ASTN1: variants seen among roughly 807,000 people sequenced by gnomAD.
The protein encoded by ASTN1 is astrotactin 1.
A neutral mutation model predicts 140.7 loss-of-function variants in ASTN1; 41 were observed. That is an observed-to-expected ratio of 0.29 (90% CI 0.23 to 0.38). The LOEUF (loss-of-function observed/expected upper bound fraction) is 0.38, where lower values mean the gene tolerates loss of function less well. Ranked by LOEUF, ASTN1 falls within the 10% of genes least tolerant of loss-of-function variation. ASTN1 has a pLI of 1.00. For missense variants in ASTN1, 1,479 were observed against 1,678.8 expected, an observed-to-expected ratio of 0.88 and a Z score of 2.08; for synonymous variants, 640 against 652.2, an observed-to-expected ratio of 0.98 and a Z score of 0.29.
At position 176,998,016 on chromosome 1, in the gene ASTN1, G is replaced by C. The variant is rs767245074; in HGVS notation, c.1523+16775C>G. Among the ~76,000 whole-genome samples, 29 of 152,162 alleles carry C rather than the reference G, an allele frequency of 1.9e-4. 1 individual carries two copies. The highest frequency in any genetic ancestry group is 7.3e-5 in the Non-Finnish European group (5 of 68,036). ...AGTTCAATCGGGCTTTGAAACAAAT[G>C]CTGGGTCTGTCTTGCTAGGAGTCTT... On this transcript the variant is annotated intron_variant, in intron 8 of 22. Transcript: ENST00000361833.
At chr1:177,091,507 T>G (rs1679749764) in intron 1 of ASTN1, among the ~76,000 whole-genome samples, 1 of 152,174 alleles carries the variant, frequency 6.6e-6, no homozygotes, top group East Asian at 1.9e-4. Flanking sequence ...CTTTGCTAGC[T>G]TCACGTAACT....
intron 17 of ASTN1, among the ~76,000 whole-genome samples, chr1:176,891,873 TAC>T (rs1669283838): frequency 6.6e-6 from 1 of 152,090 alleles, no homozygotes; most frequent in Non-Finnish European, 1.5e-5. Flanking sequence ...AAGATGTAGA[TAC>T]ACACACAATG....
chr1:176,944,166 C>T lies in ASTN1; in HGVS notation c.2250-148G>A, dbSNP rs899420913. ...GATCTCAGCTCACCGCAACCTCTGC[C>T]TCCAGGGTTCAAGCAATTCTCCTGC... On this transcript the variant is annotated intron_variant, in intron 13 of 22. Coordinates refer to ENST00000361833, the MANE Select transcript of ASTN1 (RefSeq NM_004319.3). 3.8e-5 allele frequency: 41 copies of T among 1,074,036 alleles called. No homozygotes were observed. In the African/African-American group the frequency reaches 6.3e-4, roughly 16 times the overall value. 66.5% of individuals were successfully genotyped at this position (1,074,036 alleles called of 1,614,324 possible). A position where few individuals can be genotyped will look rare whatever the true frequency, so the allele number is the denominator to read the frequency against.
At chr1:176,886,564 T>A (rs1669039415) in intron 18 of ASTN1, among the ~76,000 whole-genome samples, 1 of 152,202 alleles carries the variant, frequency 6.6e-6, no homozygotes, top group Non-Finnish European at 1.5e-5. Flanking sequence ...GGCTAGTGTA[T>A]CTACAGCCAA....
chr1:177,105,919 C>A (rs1680526341), intron 1 of ASTN1, among the ~76,000 whole-genome samples: 1 of 152,130 alleles, frequency 6.6e-6, no homozygotes, highest in Admixed American at 6.5e-5. Context: ...TCACTTGAGC[C>A]CTGGAGTTCA....
intron 16 of ASTN1, among the ~76,000 whole-genome samples, chr1:176,929,936 A>G (rs952329870): frequency 6.6e-6 from 1 of 152,174 alleles, no homozygotes; most frequent in African/African-American, 2.4e-5. Flanking sequence ...TGAACCCAGG[A>G]GGTGGAGCTT....
intron 1 of ASTN1, among the ~76,000 whole-genome samples, chr1:177,104,217 A>C (rs1345960060): frequency 6.6e-6 from 1 of 152,156 alleles, no homozygotes; most frequent in Non-Finnish European, 1.5e-5. Context: ...GCAACCACAG[A>C]GGTTACAGCC....
chr1:176,994,949 T>C (rs73041792), intron 8 of ASTN1, among the ~76,000 whole-genome samples: 3,227 of 152,312 alleles, frequency 0.021, 128 homozygotes, highest in African/African-American at 0.072. Flanking sequence ...AAATGATGGA[T>C]GTATTCTACT....
chr1:176,892,321 T>C (rs1020030212), intron 17 of ASTN1, among the ~76,000 whole-genome samples: 1 of 152,212 alleles, frequency 6.6e-6, no homozygotes, highest in African/African-American at 2.4e-5. Context: ...TTTAATGGGA[T>C]AGTAGCCTGA....
At chr1:176,978,857 A>G (rs1255457789) in intron 8 of ASTN1, among the ~76,000 whole-genome samples, 1 of 152,206 alleles carries the variant, frequency 6.6e-6, no homozygotes, top group African/African-American at 2.4e-5. Context: ...TTCCTATTGT[A>G]TAGATAAACT....
In ASTN1 at chr1:177,090,340, G is replaced by C. The variant is rs145999230; in HGVS notation, c.284-29075C>G. On this transcript the variant is annotated intron_variant, in intron 1 of 22. Transcript: ENST00000361833. The stretch of plus-strand genomic sequence containing the variant: ...GAGCATATGCAACATGCTAGACATA[G>C]CTATAGCTTTACAAACATTATATCA... Among the ~76,000 whole-genome samples the C allele has an allele frequency of 7.2e-5, 11 of 152,018 alleles. No homozygotes were observed. In the East Asian group the frequency reaches 9.7e-4, roughly 13 times the overall value.
intron 8 of ASTN1, among the ~76,000 whole-genome samples, chr1:176,994,376 T>A (rs1674341634): frequency 6.6e-6 from 1 of 152,158 alleles, no homozygotes. Flanking sequence ...ATACTTTTTT[T>A]TTTGAGCTGT....
At chr1:176,936,229 A>G (rs1032188566) in intron 15 of ASTN1, 37 bp downstream of exon 15, 2 of 1,574,136 alleles carry the variant, frequency 1.3e-6, no homozygotes, top group Non-Finnish European at 1.7e-6. Flanking sequence ...TCTAAGTTCC[A>G]GGGAAGGTGG....
At chr1:176,884,088 CA>C (rs1264570094) in intron 19 of ASTN1, among the ~76,000 whole-genome samples, 1 of 152,014 alleles carries the variant, frequency 6.6e-6, no homozygotes, top group African/African-American at 2.4e-5. Context: ...CTTTTATAAA[CA>C]AAAAACAAAA....
chr1:177,035,028 A>G (rs1676647098), intron 2 of ASTN1, among the ~76,000 whole-genome samples: 1 of 152,224 alleles, frequency 6.6e-6, no homozygotes, highest in Non-Finnish European at 1.5e-5. Flanking sequence ...GCATAGACTC[A>G]TTCCCTATAT....
intron 1 of ASTN1, among the ~76,000 whole-genome samples, chr1:177,099,079 G>C (rs535597312): frequency 6.6e-6 from 1 of 151,984 alleles, no homozygotes; most frequent in Non-Finnish European, 1.5e-5. Context: ...TATACTACTA[G>C]GGAAGAATAT....
intron 4 of ASTN1, among the ~76,000 whole-genome samples, chr1:177,030,050 C>T (rs1162588054): frequency 6.6e-6 from 1 of 152,154 alleles, no homozygotes; most frequent in African/African-American, 2.4e-5. Flanking sequence ...AGGGAAATTT[C>T]CCTCATTACA....
At chr1:177,008,888 C>T (rs1381997491) in intron 8 of ASTN1, among the ~76,000 whole-genome samples, 1 of 152,048 alleles carries the variant, frequency 6.6e-6, no homozygotes, top group Non-Finnish European at 1.5e-5. Context: ...CATAGTCTGG[C>T]CAGCAAATCT....
At chr1:177,055,337 A>T (rs969218032) in intron 2 of ASTN1, among the ~76,000 whole-genome samples, 1 of 152,248 alleles carries the variant, frequency 6.6e-6, no homozygotes, top group Admixed American at 6.5e-5. Flanking sequence ...TTGACAAGAG[A>T]TGCAGGGCAT....
Sources: gnomAD v4.1 joint callset for allele counts (sites outside exome capture counted in the v4.1 genomes callset) on GRCh38, gnomAD v4.1.1 for gene constraint, MANE v1.5 for transcripts, NCBI Gene and HGNC (gene_info 2026-07-23, HGNC 2026-07-21) for gene names.